ANXA4: variants seen among roughly 807,000 people sequenced by gnomAD.
ANXA4 encodes the protein 35-beta calcimedin.
Under a neutral mutation model 49.8 loss-of-function variants are expected in ANXA4, and 39 were observed. The ratio of observed to expected loss-of-function variants is 0.78; its 90% confidence interval spans 0.61 to 1.02. The LOEUF (loss-of-function observed/expected upper bound fraction) is 1.02, where lower values mean the gene tolerates loss of function less well. Among genes scored for constraint, ANXA4 ranks in the 50% least tolerant of loss-of-function variants. The pLI is 0.00. For missense variants in ANXA4, 360 were observed against 410.1 expected (o/e 0.88, Z 1.05); for synonymous variants, 134 against 152.5 (o/e 0.88, Z 0.89).
chr2:69,812,092 C>T (rs4853027), intron 7 of ANXA4, among the ~76,000 whole-genome samples: 88,602 of 150,346 alleles, frequency 0.59, 28,525 homozygotes, highest in African/African-American at 0.85. Context: ...CATATTCTCT[C>T]GACTCTCCTC....
intron 2 of ANXA4, among the ~76,000 whole-genome samples, chr2:69,665,979 C>T (rs58096411): frequency 0.022 from 3,325 of 152,156 alleles, 118 homozygotes; most frequent in African/African-American, 0.076. Context: ...CTGAGGCAGG[C>T]GGATCACAAT....
At chr2:69,763,280 C>T (rs1671369675) in intron 1 of ANXA4, among the ~76,000 whole-genome samples, 1 of 152,176 alleles carries the variant, frequency 6.6e-6, no homozygotes, top group Non-Finnish European at 1.5e-5. Flanking sequence ...CGGGAGGCCC[C>T]AGAACAAAGT....
chr2:69,716,261 AC>A (rs779792788), intron 2 of ANXA4, among the ~76,000 whole-genome samples: 26 of 152,206 alleles, frequency 1.7e-4, no homozygotes, highest in Non-Finnish European at 3.2e-4. Flanking sequence ...ATGAGTTAAT[AC>A]ATCCCCTTTT....
At chr2:69,808,076 G>C in intron 6 of ANXA4, 80 bp downstream of exon 6, 1 of 1,360,984 alleles carries the variant, frequency 7.3e-7, no homozygotes, top group Non-Finnish European at 1.0e-6. Context: ...GTTGTTTGCT[G>C]ATTAGACTTT....
intron 8 of ANXA4, chr2:69,815,842 T>C: frequency 2.5e-6 from 1 of 406,456 alleles, no homozygotes; most frequent in Non-Finnish European, 4.5e-6. Context: ...TTCTTTTAGC[T>C]CTTAAGATAG....
chr2:69,789,067 C>T lies in ANXA4; in HGVS notation c.97+926C>T, dbSNP rs145703138. Among the ~76,000 whole-genome samples the T allele has an allele frequency of 2.2e-4, 33 of 152,256 alleles. No homozygotes were observed. The East Asian group carries it at 6.2e-3, about 28-fold the overall frequency. On this transcript the variant is annotated intron_variant, in intron 3 of 12. Transcript: ENST00000394295. ...TGCTTTGAATTACGACATCATGAAT[C>T]TGCATATTAAATTTTAGAAATGTAT...
At chr2:69,648,001 T>G (rs899707407) in intron 1 of ANXA4, among the ~76,000 whole-genome samples, 1 of 152,238 alleles carries the variant, frequency 6.6e-6, no homozygotes, top group Non-Finnish European at 1.5e-5. Flanking sequence ...CATGTATGGT[T>G]TGTTAAGTTT....
chr2:69,668,476 T>C (rs1467874418), intron 2 of ANXA4, among the ~76,000 whole-genome samples: 2 of 152,164 alleles, frequency 1.3e-5, no homozygotes, highest in Non-Finnish European at 2.9e-5. Context: ...AAAGTATGAA[T>C]TGTCCCTTTC....
intron 1 of ANXA4, among the ~76,000 whole-genome samples, chr2:69,651,833 G>GGGT (rs1676257960): frequency 2.2e-5 from 1 of 44,958 alleles, no homozygotes; most frequent in Non-Finnish European, 4.6e-5. Flanking sequence ...GGGGGGGCGG[G>GGGT]GAGACAGAGT....
chr2:69,645,279 C>T (rs1421634168), intron 1 of ANXA4, among the ~76,000 whole-genome samples: 1 of 152,160 alleles, frequency 6.6e-6, no homozygotes, highest in Non-Finnish European at 1.5e-5. Flanking sequence ...TCTTTTCTTC[C>T]GGAGAGAGTC....
chr2:69,770,444 A>G (rs780148889), intron 1 of ANXA4, among the ~76,000 whole-genome samples: 1 of 152,158 alleles, frequency 6.6e-6, no homozygotes, highest in Non-Finnish European at 1.5e-5. Context: ...TGAATGACTC[A>G]CTCACATGTG....
intron 2 of ANXA4, among the ~76,000 whole-genome samples, chr2:69,675,834 T>C (rs1289568900): frequency 3.9e-5 from 6 of 151,956 alleles, no homozygotes; most frequent in Admixed American, 2.0e-4. Flanking sequence ...CCATCCTGGC[T>C]AACACGGTGA....
intron 1 of ANXA4, among the ~76,000 whole-genome samples, chr2:69,768,578 C>T (rs1025667677): frequency 6.6e-6 from 1 of 152,126 alleles, no homozygotes; most frequent in Non-Finnish European, 1.5e-5. Context: ...GGAAAGTGTG[C>T]CGTTTAGTAA....
intron 2 of ANXA4, among the ~76,000 whole-genome samples, chr2:69,709,124 A>G (rs1045494810): frequency 2.6e-5 from 4 of 152,174 alleles, no homozygotes; most frequent in Non-Finnish European, 4.4e-5. Flanking sequence ...AGTAATCCCT[A>G]TAGGAGCATC....
chr2:69,768,368 T>C (rs543543588), intron 1 of ANXA4, among the ~76,000 whole-genome samples: 42 of 152,202 alleles, frequency 2.8e-4, no homozygotes, highest in Middle Eastern at 3.4e-3. Context: ...AGCCTACCTG[T>C]GGAGGAGTGA....
chr2:69,792,369 A>G (rs910388081), intron 3 of ANXA4, among the ~76,000 whole-genome samples: 3 of 152,244 alleles, frequency 2.0e-5, no homozygotes, highest in African/African-American at 7.2e-5. Context: ...GTTAAACTTA[A>G]TTTTAAATGA....
At chr2:69,721,344 C>G (rs1669806234) in intron 3 of ANXA4, among the ~76,000 whole-genome samples, 1 of 152,102 alleles carries the variant, frequency 6.6e-6, no homozygotes, top group Admixed American at 6.6e-5. Context: ...TGTTATTTAC[C>G]CTGGAAGCAC....
chr2:69,674,207 A>C (rs1431374384), intron 2 of ANXA4: 1 of 152,216 alleles, frequency 6.6e-6, no homozygotes, highest in Non-Finnish European at 1.5e-5. Context: ...CAGCTCTCTC[A>C]TGACATTCCT....
intron 2 of ANXA4, among the ~76,000 whole-genome samples, chr2:69,672,992 G>A (rs1009554105): frequency 3.3e-5 from 5 of 152,098 alleles, no homozygotes; most frequent in South Asian, 4.1e-4. Context: ...TTAGAATGGC[G>A]ATCATTAAAA....
Sources: gnomAD v4.1 joint callset for allele counts (sites outside exome capture counted in the v4.1 genomes callset) on GRCh38, gnomAD v4.1.1 for gene constraint, MANE v1.5 for transcripts, NCBI Gene and HGNC (gene_info 2026-07-23, HGNC 2026-07-21) for gene names.